Variants in CYFIP2 observed in about 807,000 individuals in gnomAD.
The protein encoded by CYFIP2 is cytoplasmic FMR1-interacting protein 2.
Under a neutral mutation model 158.7 loss-of-function variants are expected in CYFIP2, and 29 were observed. The observed-to-expected ratio is 0.18, with a 90% CI of 0.14 to 0.25. CYFIP2 has a LOEUF of 0.25. Among genes scored for constraint, CYFIP2 ranks in the 10% least tolerant of loss-of-function variants. The probability of loss-of-function intolerance (pLI) is 1.00; values close to 1 mark genes in which losing one functional copy is unlikely to be tolerated. For missense variants in CYFIP2, 852 were observed against 1,639.5 expected (o/e 0.52, Z 8.29); for synonymous variants, 585 against 617.6 (o/e 0.95, Z 0.78).
At chr5:157,362,383 G>A (rs1763918133) in intron 26 of CYFIP2, among the ~76,000 whole-genome samples, 2 of 152,214 alleles carry the variant, frequency 1.3e-5, no homozygotes, top group Non-Finnish European at 2.9e-5. Flanking sequence ...CATATGTGAA[G>A]ATGTTATCTT....
At chr5:157,350,336 C>T (rs932133659) in intron 23 of CYFIP2, among the ~76,000 whole-genome samples, 5 of 152,186 alleles carry the variant, frequency 3.3e-5, no homozygotes, top group African/African-American at 1.2e-4. Flanking sequence ...CATTCTTCTA[C>T]ATGTGGCTTG....
At chr5:157,347,624 G>A (rs1027311519) in intron 23 of CYFIP2, among the ~76,000 whole-genome samples, 5 of 152,204 alleles carry the variant, frequency 3.3e-5, no homozygotes, top group African/African-American at 9.6e-5. Context: ...GTTATTTTGC[G>A]GGGAGTAAAA....
chr5:157,324,453 G>A (rs1326549199), intron 16 of CYFIP2, among the ~76,000 whole-genome samples: 1 of 152,228 alleles, frequency 6.6e-6, no homozygotes, highest in Non-Finnish European at 1.5e-5. Context: ...CTCTCGAGCT[G>A]CATCCCAGTC....
At chr5:157,267,817 G>T (rs1755733545) in intron 1 of CYFIP2, among the ~76,000 whole-genome samples, 1 of 152,250 alleles carries the variant, frequency 6.6e-6, no homozygotes, top group Non-Finnish European at 1.5e-5. Flanking sequence ...AAGTGGAGGT[G>T]GGGAGCTGGG....
chr5:157,298,409 G>A (rs1386450507), intron 5 of CYFIP2, among the ~76,000 whole-genome samples: 2 of 151,930 alleles, frequency 1.3e-5, no homozygotes, highest in East Asian at 3.9e-4. Flanking sequence ...TCGGCTCACT[G>A]CAACTTCAGC....
At chr5:157,290,105 A>G (rs1365366574) in intron 3 of CYFIP2, among the ~76,000 whole-genome samples, 2 of 152,204 alleles carry the variant, frequency 1.3e-5, no homozygotes, top group African/African-American at 4.8e-5. Context: ...CAAGACACCA[A>G]CAGAGCAGTC....
chr5:157,382,707 C>A, intron 27 of CYFIP2, 45 bp downstream of exon 27: 1 of 1,583,812 alleles, frequency 6.3e-7, no homozygotes, highest in Non-Finnish European at 8.7e-7. Flanking sequence ...GGCGTTTGAA[C>A]CTTATTCTCA....
intron 1 of CYFIP2, among the ~76,000 whole-genome samples, chr5:157,272,280 G>A (rs1312889345): frequency 6.6e-6 from 1 of 152,208 alleles, no homozygotes; most frequent in Non-Finnish European, 1.5e-5. Context: ...AGGTGATAGG[G>A]CCTCTGGTCC....
intron 4 of CYFIP2, among the ~76,000 whole-genome samples, chr5:157,295,670 G>A (rs565880494): frequency 1.4e-4 from 21 of 152,336 alleles, no homozygotes; most frequent in Non-Finnish European, 2.8e-4. Context: ...ACATAAAACT[G>A]TCTCATTCCT....
intron 13 of CYFIP2, 59 bp from the exon 14 acceptor site, chr5:157,319,703 T>TA (rs888206792): frequency 1.6e-4 from 257 of 1,590,886 alleles, no homozygotes; most frequent in Non-Finnish European, 1.1e-4. Flanking sequence ...CGGTGATGGG[T>TA]AGTAGACAGC....
chr5:157,351,620 A>G (rs1561756003), intron 23 of CYFIP2, among the ~76,000 whole-genome samples: 1 of 152,098 alleles, frequency 6.6e-6, no homozygotes, highest in Non-Finnish European at 1.5e-5. Flanking sequence ...TCACAAAGCA[A>G]GGTCCTGGCA....
chr5:157,288,584 C>T (rs1426209170), intron 3 of CYFIP2: 6 of 455,860 alleles, frequency 1.3e-5, no homozygotes, highest in Non-Finnish European at 2.2e-5. Context: ...GATAAGCTTA[C>T]CATTTATCGA....
intron 25 of CYFIP2, among the ~76,000 whole-genome samples, chr5:157,360,994 T>G (rs1020370403): frequency 1.3e-5 from 2 of 152,210 alleles, no homozygotes; most frequent in African/African-American, 4.8e-5. Flanking sequence ...GCTGCCCTAC[T>G]TACTACCTGT....
At position 157,368,502 on chromosome 5, in the gene CYFIP2, A is replaced by G. The variant is rs574967103; in HGVS notation, c.3039+6904A>G. ...CCCTTTGCCCAGGCACCCACAAGTA[A>G]TGCCTCTGGCCTTTCTGTATGAGTG... On this transcript the variant is annotated intron_variant, in intron 26 of 30. Transcript: ENST00000620254. Among the ~76,000 whole-genome samples the G allele has an allele frequency of 2.0e-4, 31 of 152,230 alleles. No homozygotes were observed. The East Asian group carries it at 4.4e-3, about 22-fold the overall frequency.
In CYFIP2 at chr5:157,300,723, C is replaced by T. The variant is rs1205824727; in HGVS notation, c.396C>T (p.Ala132=). The T allele has an allele frequency of 2.5e-6, 4 of 1,596,812 alleles. No individual in the cohort carries two copies. The highest frequency in any genetic ancestry group is 3.4e-6 in the Non-Finnish European group (4 of 1,170,588). The part of the protein sequence containing the change: ...LMKFMYFQRK[A]IERFCSEVKR... ...TGCCCCTCTGCCCCCAGCGCAAGGCCATCGAGCGGTTCTGCAGCGAGGTGA... is the reference window on the plus strand; with the variant it reads ...TGCCCCTCTGCCCCCAGCGCAAGGCTATCGAGCGGTTCTGCAGCGAGGTGA... The change falls in exon 6 of 31, where the codon GCC becomes GCT. Residue 132 remains alanine, a synonymous_variant. Coordinates refer to ENST00000620254, the MANE Select transcript of CYFIP2 (RefSeq NM_001037333.3).
At chr5:157,354,551 C>A (rs1250110982) in intron 23 of CYFIP2, among the ~76,000 whole-genome samples, 11 of 150,922 alleles carry the variant, frequency 7.3e-5, no homozygotes, top group African/African-American at 2.7e-4. Flanking sequence ...TTCTTGCATG[C>A]GTGGGGTATA....
At position 157,300,677 on chromosome 5, in the gene CYFIP2, A is replaced by C. The variant is rs767920317; in HGVS notation, c.388-38A>C. ...AGCCTGGACCCTGCCCCCATAAGGG[A>C]GCACAGTGGACCTTACTCACTGCCC... On this transcript the variant is annotated intron_variant, in intron 5 of 30. Coordinates refer to ENST00000620254, the MANE Select transcript of CYFIP2 (RefSeq NM_001037333.3). The C allele has an allele frequency of 4.1e-6, 6 of 1,459,618 alleles. No homozygotes were observed. In the African/African-American group the frequency reaches 5.6e-5, roughly 14 times the overall value. 90.4% of individuals were successfully genotyped at this position (1,459,618 alleles called of 1,614,324 possible).
intron 1 of CYFIP2, among the ~76,000 whole-genome samples, chr5:157,274,816 A>G (rs1283243442): frequency 1.3e-5 from 2 of 152,246 alleles, no homozygotes; most frequent in African/African-American, 4.8e-5. Flanking sequence ...AAGGTTATTA[A>G]TCTTTCTGTG....
chr5:157,373,815 T>C (rs965944918), intron 26 of CYFIP2, among the ~76,000 whole-genome samples: 1 of 152,216 alleles, frequency 6.6e-6, no homozygotes, highest in Non-Finnish European at 1.5e-5. Context: ...CAGTGATGAC[T>C]CCTGGGTGGT....
Sources: allele counts gnomAD v4.1 joint callset (sites outside exome capture counted in the v4.1 genomes callset), GRCh38; gene constraint gnomAD v4.1.1; transcripts MANE v1.5; gene names NCBI Gene and HGNC (gene_info 2026-07-23, HGNC 2026-07-21).